Variants in CERS3 observed in about 807,000 individuals in gnomAD.
The protein encoded by CERS3 is ceramide synthase 3, also known as LAG1 homolog, ceramide synthase 3.
CERS3 carries 33 observed loss-of-function variants against 50.3 expected under a neutral mutation model. The ratio of observed to expected loss-of-function variants is 0.66; its 90% CI spans 0.50 to 0.88. CERS3 has a LOEUF of 0.88. Among genes scored for constraint, CERS3 ranks in the 40% least tolerant of loss-of-function variants. The pLI is 0.00. For synonymous variants in CERS3, 176 were observed against 155.2 expected (o/e 1.13, Z -0.99); for missense variants, 470 against 460.3 (o/e 1.02, Z -0.19).
chr15:100,538,400 T>A (rs114816224), intron 1 of CERS3, among the ~76,000 whole-genome samples: 2,277 of 152,330 alleles, frequency 0.015, 66 homozygotes, highest in African/African-American at 0.052. Context: ...AGGGCTCTAC[T>A]CCTGCAGCAA....
rs76046577 is a variant in CERS3, at chr15:100,528,573, C to T, written c.-92+240G>A. ...GAAATTTACCCTCTACTACTAAACA[C>T]TTCCAAGCAAAACTCTACAAAGCAA... On this transcript the variant is annotated intron_variant, in intron 1 of 11. Transcript: ENST00000679737. 1.6e-3 allele frequency among the ~76,000 whole-genome samples: 240 copies of T among 152,306 alleles called. 3 individuals carry two copies. In the East Asian group the frequency reaches 0.039, roughly 24 times the overall value.
At chr15:100,433,684 C>G (rs2033252777) in intron 11 of CERS3, among the ~76,000 whole-genome samples, 1 of 152,188 alleles carries the variant, frequency 6.6e-6, no homozygotes, top group South Asian at 2.1e-4. Flanking sequence ...CCAGGGTATC[C>G]CCAGATCCTC....
In CERS3 at chr15:100,501,986, C is replaced by T. The variant is rs1004495579; in HGVS notation, c.-1-136G>A. 3.8e-5 allele frequency: 30 copies of T among 796,882 alleles called. No individual in the cohort carries two copies. In the African/African-American group the frequency reaches 5.1e-4, roughly 14 times the overall value. The allele number at this position is 796,882 out of a possible 1,614,324, so 49.4% of individuals were successfully genotyped here. ...AAGAGGCCTAGCGCAGTGGCTCACA[C>T]CTGCAATATCAGCACTTTGGGAGAC... On this transcript the variant is annotated intron_variant, in intron 2 of 11. Coordinates refer to ENST00000679737, the MANE Select transcript of CERS3 (RefSeq NM_001378789.1).
At chr15:100,481,977 A>G (rs1567650879) in intron 5 of CERS3, among the ~76,000 whole-genome samples, 1 of 152,220 alleles carries the variant, frequency 6.6e-6, no homozygotes, top group South Asian at 2.1e-4. Flanking sequence ...CACTGATGAA[A>G]CGTGCGCTTG....
intron 11 of CERS3, among the ~76,000 whole-genome samples, chr15:100,411,297 C>G (rs983906339): frequency 6.6e-6 from 1 of 151,930 alleles, no homozygotes; most frequent in Non-Finnish European, 1.5e-5. Flanking sequence ...AAGTAGCTGG[C>G]GTTACAGGTG....
intron 9 of CERS3, among the ~76,000 whole-genome samples, chr15:100,472,187 T>C (rs1371799592): frequency 6.6e-6 from 1 of 152,206 alleles, no homozygotes; most frequent in Non-Finnish European, 1.5e-5. Flanking sequence ...TCATTATAAA[T>C]GAGTATATTT....
intron 11 of CERS3, among the ~76,000 whole-genome samples, chr15:100,410,105 G>C (rs760429436): frequency 2.0e-5 from 3 of 151,904 alleles, no homozygotes; most frequent in Admixed American, 2.0e-4. Context: ...GGGTGGTCTA[G>C]AATGTTATTA....
rs561069141 is a variant in CERS3 at position 100,420,207 on chromosome 15, G to A, written c.1000-17342C>T. ...AGCAAGACTAATAAAGAAAAAAAGA[G>A]AGAAGAATCAAATAGACGCAATAAA... On this transcript the variant is annotated intron_variant, in intron 11 of 11. Coordinates refer to ENST00000679737, the MANE Select transcript of CERS3 (RefSeq NM_001378789.1). Among the ~76,000 whole-genome samples, 566 of 144,640 alleles carry A rather than the reference G, an allele frequency of 3.9e-3. 7 individuals are homozygous for A. The highest frequency in any genetic ancestry group is 3.5e-3 in the Non-Finnish European group (231 of 65,746). The allele number at this position is 144,640 out of a possible 152,430, so 94.9% of individuals were successfully genotyped here. A position where few individuals can be genotyped will look rare whatever the true frequency, so the allele number is the denominator to read the frequency against.
chr15:100,540,421 G>C (rs774995543), intron 1 of CERS3, among the ~76,000 whole-genome samples: 1 of 152,168 alleles, frequency 6.6e-6, no homozygotes, highest in African/African-American at 2.4e-5. Context: ...ACAGGCGCCC[G>C]TAATCCCAGG....
chr15:100,541,658 T>C lies in CERS3; in HGVS notation c.-355+2993A>G, dbSNP rs192260259. Among the ~76,000 whole-genome samples, 162 of 152,318 alleles carry C rather than the reference T, an allele frequency of 1.1e-3. 2 individuals are homozygous for C. Among genetic ancestry groups the C allele is most frequent in the Non-Finnish European group, 1.5e-4 (10 of 68,038 alleles). On this transcript the variant is annotated intron_variant, in intron 1 of 12. Coordinates refer to the CERS3 transcript ENST00000284382. ...TTTGAACGTGTTCAGTAAGACAGGA[T>C]GATTTCTATTCACTTATCTTTGTTC...
chr15:100,533,567 T>C (rs1253898938), upstream of CERS3, among the ~76,000 whole-genome samples: 45 of 126,826 alleles, frequency 3.5e-4, no homozygotes, highest in Admixed American at 1.3e-3. Context: ...TCTCTCTTTT[T>C]TTTTTTTTTT....
intron 1 of CERS3, among the ~76,000 whole-genome samples, chr15:100,538,239 T>G (rs1596834144): frequency 6.6e-6 from 1 of 152,154 alleles, no homozygotes. Context: ...AGGAGCACAG[T>G]GCAAGCTGCC....
chr15:100,529,201 G>A (rs539648272), upstream of CERS3: 1 of 152,358 alleles, frequency 6.6e-6, no homozygotes, highest in South Asian at 2.1e-4. Flanking sequence ...CTTGCTGTTT[G>A]TATTAAAAGG....
intron 4 of CERS3, among the ~76,000 whole-genome samples, chr15:100,489,562 A>C (rs150735776): frequency 1.3e-5 from 2 of 152,314 alleles, no homozygotes; most frequent in East Asian, 3.9e-4. Context: ...TTTTATACAA[A>C]GTATTACTAA....
intron 3 of CERS3, among the ~76,000 whole-genome samples, chr15:100,492,210 C>T (rs559376177): frequency 3.3e-5 from 5 of 152,128 alleles, no homozygotes; most frequent in African/African-American, 9.7e-5. Context: ...ATGTTTGTTA[C>T]GACTAGCTGG....
chr15:100,446,174 G>C (rs1302252599), intron 11 of CERS3, among the ~76,000 whole-genome samples: 1 of 152,134 alleles, frequency 6.6e-6, no homozygotes, highest in Admixed American at 6.6e-5. Flanking sequence ...AAGCCTGTTT[G>C]GTGGTCTCTT....
chr15:100,511,541 A>T (rs55662667), intron 2 of CERS3, among the ~76,000 whole-genome samples: 105,113 of 114,242 alleles, frequency 0.92, 49,272 homozygotes, highest in Non-Finnish European at 0.97. Context: ...ACAGTCTGTT[A>T]CATGCCCTGG....
rs929299900 is a variant in CERS3 at position 100,407,215 on chromosome 15, A to C, written c.1000-4350T>G. Among the ~76,000 whole-genome samples, 6 of 152,262 alleles carry C rather than the reference A, an allele frequency of 3.9e-5. No individual in the cohort carries two copies. The South Asian group carries it at 1.2e-3, about 32-fold the overall frequency. On this transcript the variant is annotated intron_variant, in intron 11 of 11. Transcript: ENST00000679737. ...AAGGCATACCAGCATCTACCCACCCATCTCTGCAAGACTTAAAGAGCTGTG... is the reference window on the plus strand; with the variant it reads ...AAGGCATACCAGCATCTACCCACCCCTCTCTGCAAGACTTAAAGAGCTGTG...
intron 7 of CERS3, among the ~76,000 whole-genome samples, chr15:100,476,906 A>T (rs1479006469): frequency 6.6e-6 from 1 of 152,190 alleles, no homozygotes; most frequent in Non-Finnish European, 1.5e-5. Flanking sequence ...TGATGCATGC[A>T]GAGACTTTAT....
Sources: gnomAD v4.1 joint callset for allele counts (sites outside exome capture counted in the v4.1 genomes callset) on GRCh38, gnomAD v4.1.1 for gene constraint, MANE v1.5 for transcripts, NCBI Gene and HGNC (gene_info 2026-07-23, HGNC 2026-07-21) for gene names.